Variants in MAPKAPK2 observed in about 807,000 individuals in gnomAD.
MAPKAPK2 encodes MAP kinase-activated protein kinase 2.
MAPKAPK2 carries 9 observed loss-of-function variants against 48.8 expected under a neutral mutation model. The observed-to-expected ratio is 0.18, with a 90% CI of 0.11 to 0.32. The LOEUF (loss-of-function observed/expected upper bound fraction) is 0.32. MAPKAPK2 is among the 10% of genes least tolerant of loss of function. The pLI, the probability that MAPKAPK2 is intolerant of heterozygous loss-of-function variation, is 1.00. For synonymous variants in MAPKAPK2, 202 were observed against 190.6 expected (o/e 1.06, Z -0.49); for missense variants, 331 against 498.3 (o/e 0.66, Z 3.20).
At chr1:206,700,667 AT>A (rs1553427791) in intron 1 of MAPKAPK2, among the ~76,000 whole-genome samples, 1 of 152,134 alleles carries the variant, frequency 6.6e-6, no homozygotes, top group East Asian at 1.9e-4. Context: ...CAGATGATCT[AT>A]TTTCCTGATG....
At chr1:206,726,311 C>T (rs552188092) in intron 1 of MAPKAPK2, among the ~76,000 whole-genome samples, 28 of 152,352 alleles carry the variant, frequency 1.8e-4, no homozygotes, top group African/African-American at 6.5e-4. Flanking sequence ...TGTTTGAACC[C>T]GGGAGGCGGA....
intron 1 of MAPKAPK2, among the ~76,000 whole-genome samples, chr1:206,712,537 T>A (rs1673189531): frequency 6.6e-6 from 1 of 152,220 alleles, no homozygotes; most frequent in Admixed American, 6.5e-5. Flanking sequence ...TTTCTCCTAC[T>A]GTAATCTTTT....
chr1:206,731,684 A>G lies in MAPKAPK2; in HGVS notation c.937A>G (p.Arg313Gly). 6.2e-7 allele frequency: 1 copy of G among 1,614,122 alleles called. No homozygotes were observed. Among genetic ancestry groups the G allele is most frequent in the Non-Finnish European group, 8.5e-7 (1 of 1,180,006 alleles). Residue 313 changes from arginine to glycine, a missense_variant, in exon 8 of 10, where the codon AGA becomes GGA. Transcript: ENST00000367103. This position sits in a 1 kb window ranked among gnomAD's most constrained non-coding sequence, Gnocchi z 5.9. ...RNLLKTEPTQ[R>G]MTITEFMNHP... is the part of the protein sequence containing the mutation. ...TCTGCTGAAAACAGAGCCCACCCAGAGAATGACCATCACCGAGTTTATGAA... is the reference window on the plus strand; with the variant it reads ...TCTGCTGAAAACAGAGCCCACCCAGGGAATGACCATCACCGAGTTTATGAA...
At chr1:206,717,272 T>G (rs940049819) in intron 1 of MAPKAPK2, among the ~76,000 whole-genome samples, 1 of 152,218 alleles carries the variant, frequency 6.6e-6, no homozygotes, top group Non-Finnish European at 1.5e-5. Flanking sequence ...GAGTCAGCAA[T>G]GGATCCTGTT....
intron 1 of MAPKAPK2, among the ~76,000 whole-genome samples, chr1:206,718,269 C>T (rs1029786120): frequency 3.9e-5 from 6 of 152,178 alleles, no homozygotes; most frequent in South Asian, 2.1e-4. Context: ...CTGTGGCTTA[C>T]GCCTGTAATC....
chr1:206,695,437 C>A (rs1045965356), intron 1 of MAPKAPK2, among the ~76,000 whole-genome samples: 1 of 149,976 alleles, frequency 6.7e-6, no homozygotes, highest in Non-Finnish European at 1.5e-5. Context: ...TTTCCCAGAT[C>A]TGGCCCTGAT....
chr1:206,731,704 T>C lies in MAPKAPK2; in HGVS notation c.957T>C (p.Phe319=), dbSNP rs1553432731. 9.9e-6 allele frequency: 16 copies of C among 1,614,056 alleles called. No individual in the cohort carries two copies. Among genetic ancestry groups the C allele is most frequent in the Non-Finnish European group, 1.4e-5 (16 of 1,179,976 alleles). The change falls in exon 8 of 10, where the codon TTT becomes TTC. Residue 319 remains phenylalanine, a synonymous_variant. Coordinates refer to ENST00000367103, the MANE Select transcript of MAPKAPK2 (RefSeq NM_032960.4). This position sits in a 1 kb window ranked among gnomAD's most constrained non-coding sequence, Gnocchi z 5.9. ...CCCAGAGAATGACCATCACCGAGTT[T>C]ATGAACCACCCTTGGATCATGGTAA... ...EPTQRMTITE[F]MNHPWIMQST... is the part of the protein sequence containing the mutation.
chr1:206,730,109 A>G lies in MAPKAPK2; in HGVS notation c.691+11A>G. 1 of 1,614,158 alleles carries G rather than the reference A, an allele frequency of 6.2e-7. No homozygotes were observed. Among genetic ancestry groups the G allele is most frequent in the East Asian group, 2.2e-5 (1 of 44,890 alleles). ...CACCGTACTATGTGGGTAAGTCCACAGGGGGCCCAGGGACCTAGGCTTTTC... is the reference window on the plus strand; with the variant it reads ...CACCGTACTATGTGGGTAAGTCCACGGGGGGCCCAGGGACCTAGGCTTTTC... On this transcript the variant is annotated intron_variant, in intron 5 of 9. Coordinates refer to ENST00000367103, the MANE Select transcript of MAPKAPK2 (RefSeq NM_032960.4).
At chr1:206,718,648 T>C (rs1272515548) in intron 1 of MAPKAPK2, among the ~76,000 whole-genome samples, 1 of 152,146 alleles carries the variant, frequency 6.6e-6, no homozygotes. Flanking sequence ...TCGCCGTGGA[T>C]GGGGAGCTGC....
intron 1 of MAPKAPK2, among the ~76,000 whole-genome samples, chr1:206,726,639 G>A (rs1349932448): frequency 6.6e-6 from 1 of 152,220 alleles, no homozygotes; most frequent in African/African-American, 2.4e-5. Context: ...CTAAAAGCTG[G>A]GTGGTGTGGT....
At chr1:206,686,853 TC>T (rs1164361034) in intron 1 of MAPKAPK2, among the ~76,000 whole-genome samples, 1 of 152,240 alleles carries the variant, frequency 6.6e-6, no homozygotes, top group Non-Finnish European at 1.5e-5. Flanking sequence ...TGCTTTGCTT[TC>T]TACTGTAAGT....
intron 1 of MAPKAPK2, among the ~76,000 whole-genome samples, chr1:206,726,626 C>T (rs1025018477): frequency 5.3e-5 from 8 of 152,230 alleles, no homozygotes; most frequent in South Asian, 4.1e-4. Context: ...CTTCCAGCCT[C>T]CTCTAAAAGC....
intron 1 of MAPKAPK2, chr1:206,695,705 C>T (rs937525030): frequency 3.2e-5 from 8 of 253,112 alleles, no homozygotes; most frequent in Admixed American, 1.0e-4. Flanking sequence ...CTTGCTGATA[C>T]ACTCTTACCT....
At chr1:206,714,280 C>A (rs1298443478) in intron 1 of MAPKAPK2, among the ~76,000 whole-genome samples, 2 of 152,090 alleles carry the variant, frequency 1.3e-5, no homozygotes, top group Non-Finnish European at 2.9e-5. Flanking sequence ...AGGTCCAGAC[C>A]CCTTGCGTCT....
rs782761837 is a variant in MAPKAPK2, at chr1:206,704,248, C to T, written c.279+18740C>T. On this transcript the variant is annotated intron_variant, in intron 1 of 9. Coordinates refer to ENST00000367103, the MANE Select transcript of MAPKAPK2 (RefSeq NM_032960.4). The surrounding 1 kb of genome is among the most constrained non-coding windows in gnomAD (Gnocchi z 4.3). ...CTTTCTGGGAAATGTTGAAGATTTA[C>T]GCCTGTCTGAGTGTCTCTCACTCGT... Among the ~76,000 whole-genome samples the T allele has an allele frequency of 5.3e-5, 8 of 152,198 alleles. No individual in the cohort carries two copies. Among genetic ancestry groups the T allele is most frequent in the South Asian group, 4.1e-4 (2 of 4,832 alleles).
At chr1:206,708,324 C>G (rs557627257) in intron 1 of MAPKAPK2, among the ~76,000 whole-genome samples, 42 of 152,312 alleles carry the variant, frequency 2.8e-4, no homozygotes, top group African/African-American at 8.7e-4. Context: ...TTGTTACTTC[C>G]TATTCCTCCT....
At chr1:206,722,293 G>T (rs1222383643) in intron 1 of MAPKAPK2, among the ~76,000 whole-genome samples, 1 of 152,118 alleles carries the variant, frequency 6.6e-6, no homozygotes, top group Non-Finnish European at 1.5e-5. Context: ...CCGGGAAGCG[G>T]AGCTTGCAGT....
In MAPKAPK2 at chr1:206,702,930, G is replaced by T. The variant is rs114398930; in HGVS notation, c.279+17422G>T. On this transcript the variant is annotated intron_variant, in intron 1 of 9. Transcript: ENST00000367103. ...CCCTTACTCCCCTGCCCAATTCCAG[G>T]CAGAACTGCCTCCCTCCTCTGCCCT... is the stretch of plus-strand genomic sequence containing the variant. 8.1e-3 allele frequency among the ~76,000 whole-genome samples: 1,236 copies of T among 152,254 alleles called. 7 individuals carry two copies. The highest frequency in any genetic ancestry group is 0.01 in the Non-Finnish European group (712 of 68,008).
intron 1 of MAPKAPK2, among the ~76,000 whole-genome samples, chr1:206,695,135 T>C (rs1025566816): frequency 1.3e-5 from 2 of 152,158 alleles, no homozygotes; most frequent in Non-Finnish European, 2.9e-5. Context: ...TTCCTGACTT[T>C]ATGCATTTGA....
Sources: allele counts gnomAD v4.1 joint callset (sites outside exome capture counted in the v4.1 genomes callset), GRCh38; gene constraint gnomAD v4.1.1; non-coding constraint Gnocchi (gnomAD v3.1); transcripts MANE v1.5; gene names NCBI Gene and HGNC (gene_info 2026-07-23, HGNC 2026-07-21).